ANGPT1: variants seen among roughly 807,000 people sequenced by gnomAD.
ANGPT1 encodes angiopoietin 1, also known as angiopoietin-1.
In ANGPT1, 17 loss-of-function variants were observed where a neutral mutation model predicts 62.2. That is an observed-to-expected ratio of 0.27 (90% CI 0.19 to 0.41). The LOEUF is 0.41. ANGPT1 is among the 10% of genes least tolerant of loss of function. ANGPT1 has a pLI of 1.00. For missense variants in ANGPT1, 478 were observed against 594.9 expected (o/e 0.80, Z 2.04); for synonymous variants, 199 against 198.9 (o/e 1.00, Z 0.00).
intron 4 of ANGPT1, among the ~76,000 whole-genome samples, chr8:107,316,769 A>G (rs1300403902): frequency 6.6e-6 from 1 of 152,184 alleles, no homozygotes; most frequent in Non-Finnish European, 1.5e-5. Flanking sequence ...GACTTCTGGA[A>G]AATAAACATG....
At chr8:107,265,798 A>C (rs758180385) in intron 7 of ANGPT1, among the ~76,000 whole-genome samples, 1 of 152,184 alleles carries the variant, frequency 6.6e-6, no homozygotes, top group Non-Finnish European at 1.5e-5. Context: ...TATGAAATAG[A>C]ATAATAAAGA....
chr8:107,366,962 A>G (rs540638658), intron 1 of ANGPT1, among the ~76,000 whole-genome samples: 1 of 152,098 alleles, frequency 6.6e-6, no homozygotes, highest in Non-Finnish European at 1.5e-5. Flanking sequence ...AGAGACCCAC[A>G]TGGTGAGAAA....
At chr8:107,285,709 T>C (rs535956325) in intron 6 of ANGPT1, among the ~76,000 whole-genome samples, 62 of 152,122 alleles carry the variant, frequency 4.1e-4, no homozygotes, top group African/African-American at 1.4e-3. Flanking sequence ...ATGTTAGTGA[T>C]AGGAAAAGAA....
intron 1 of ANGPT1, among the ~76,000 whole-genome samples, chr8:107,472,803 A>G (rs900852493): frequency 1.3e-5 from 2 of 151,992 alleles, no homozygotes; most frequent in African/African-American, 4.8e-5. Flanking sequence ...ACATATAAGA[A>G]CATTATGTCT....
chr8:107,309,629 T>C (rs1814801623), intron 4 of ANGPT1, among the ~76,000 whole-genome samples: 1 of 152,168 alleles, frequency 6.6e-6, no homozygotes, highest in Admixed American at 6.5e-5. Flanking sequence ...GTGAGGGATA[T>C]TTACCAATGA....
intron 1 of ANGPT1, among the ~76,000 whole-genome samples, chr8:107,382,505 G>A (rs533884779): frequency 6.6e-6 from 1 of 151,000 alleles, no homozygotes; most frequent in Non-Finnish European, 1.5e-5. Context: ...ATATCCAACA[G>A]TGCTGTGCTG....
chr8:107,317,628 A>ATTTT (rs60047500), intron 4 of ANGPT1, among the ~76,000 whole-genome samples: 2 of 84,928 alleles, frequency 2.4e-5, no homozygotes, highest in Non-Finnish European at 4.3e-5. Flanking sequence ...ATTTATTTTT[A>ATTTT]TTTTTATTTT....
At chr8:107,432,270 T>C (rs1273736420) in intron 1 of ANGPT1, among the ~76,000 whole-genome samples, 1 of 152,204 alleles carries the variant, frequency 6.6e-6, no homozygotes, top group African/African-American at 2.4e-5. Context: ...ATTCCTTTTC[T>C]ATAACGATGT....
rs370541556 is a variant in ANGPT1 at position 107,336,185 on chromosome 8, C to A, written c.540G>T (p.Gln180His). The A allele has an allele frequency of 5.6e-6, 9 of 1,605,732 alleles. No individual in the cohort carries two copies. Among genetic ancestry groups the A allele is most frequent in the Non-Finnish European group, 7.6e-6 (9 of 1,177,696 alleles). The change falls in exon 3 of 9, where the codon CAG becomes CAT. Residue 180 changes from glutamine (Q) to histidine (H), a missense_variant. Gln to His is a conservative substitution (Grantham distance 24). Transcript: ENST00000517746. ...CATGGATCTTCAAGATTTCATTTGT[C>A]TGTTGAAGAAGTTGCTTCTCTAGCT... is the stretch of plus-strand genomic sequence containing the variant. ...TYKLEKQLLQ[Q>H]TNEILKIHEK... is the part of the protein sequence containing the mutation.
At chr8:107,348,142 G>A (rs1481768927) in intron 1 of ANGPT1, among the ~76,000 whole-genome samples, 1 of 152,116 alleles carries the variant, frequency 6.6e-6, no homozygotes, top group African/African-American at 2.4e-5. Context: ...ACTTGGACTT[G>A]AGCACTGAAG....
At chr8:107,315,625 T>C (rs1814995720) in intron 4 of ANGPT1, among the ~76,000 whole-genome samples, 1 of 152,146 alleles carries the variant, frequency 6.6e-6, no homozygotes, top group African/African-American at 2.4e-5. Flanking sequence ...ACACTGTCTA[T>C]ATTTTTCTTT....
chr8:107,301,068 A>T (rs1814576386), intron 5 of ANGPT1, among the ~76,000 whole-genome samples: 1 of 151,904 alleles, frequency 6.6e-6, no homozygotes, highest in African/African-American at 2.4e-5. Flanking sequence ...TTGTGGTTAT[A>T]TATGAACTAA....
chr8:107,344,983 G>C (rs549806841), intron 2 of ANGPT1, among the ~76,000 whole-genome samples: 17 of 152,272 alleles, frequency 1.1e-4, no homozygotes, highest in Admixed American at 6.5e-5. Context: ...AGTAGCACGA[G>C]GGTATACATT....
chr8:107,397,273 G>A (rs1816954551), intron 1 of ANGPT1, among the ~76,000 whole-genome samples: 1 of 152,074 alleles, frequency 6.6e-6, no homozygotes, highest in Non-Finnish European at 1.5e-5. Context: ...TGTCCCCAAG[G>A]CCAATGTGCC....
intron 6 of ANGPT1, among the ~76,000 whole-genome samples, chr8:107,292,514 A>G (rs2130173814): frequency 6.6e-6 from 1 of 152,242 alleles, no homozygotes; most frequent in African/African-American, 2.4e-5. Context: ...GTTTTCTCAG[A>G]GTTAATTTAG....
At chr8:107,386,817 A>T (rs1816740134) in intron 1 of ANGPT1, among the ~76,000 whole-genome samples, 1 of 152,102 alleles carries the variant, frequency 6.6e-6, no homozygotes, top group Non-Finnish European at 1.5e-5. Context: ...GTAACTAGTT[A>T]ATACAATTTG....
At chr8:107,294,131 C>A in intron 5 of ANGPT1, 94 bp from the exon 6 acceptor site, 2 of 929,726 alleles carry the variant, frequency 2.2e-6, no homozygotes, top group Non-Finnish European at 3.2e-6. Context: ...GCGAACAGGT[C>A]TGCAGATTAC....
At chr8:107,298,394 A>T (rs1814471472) in intron 5 of ANGPT1, among the ~76,000 whole-genome samples, 1 of 151,902 alleles carries the variant, frequency 6.6e-6, no homozygotes, top group African/African-American at 2.4e-5. Flanking sequence ...TTTTTGGATG[A>T]AACTAGGCAT....
intron 6 of ANGPT1, among the ~76,000 whole-genome samples, chr8:107,293,640 C>T (rs889961829): frequency 6.6e-6 from 1 of 152,058 alleles, no homozygotes; most frequent in African/African-American, 2.4e-5. Context: ...ACGTATCCAA[C>T]GAAGGTCTGA....
Sources: allele counts gnomAD v4.1 joint callset (sites outside exome capture counted in the v4.1 genomes callset), GRCh38; gene constraint gnomAD v4.1.1; transcripts MANE v1.5; gene names NCBI Gene and HGNC (gene_info 2026-07-23, HGNC 2026-07-21).